SFXN1: variants seen among roughly 807,000 people sequenced by gnomAD.
The protein encoded by SFXN1 is sideroflexin 1.
A neutral mutation model predicts 39.5 loss-of-function variants in SFXN1; 32 were observed. That is an observed-to-expected ratio of 0.81 (90% CI 0.61 to 1.09). SFXN1 has a LOEUF of 1.09. Among genes scored for constraint, SFXN1 ranks in the 50% least tolerant of loss-of-function variants. The pLI is 0.00. For missense variants in SFXN1, 402 were observed against 407.1 expected (o/e 0.99, Z 0.11); for synonymous variants, 136 against 146.5 (o/e 0.93, Z 0.52).
chr5:175,507,592 G>A (rs1760353663), intron 2 of SFXN1, among the ~76,000 whole-genome samples: 1 of 152,166 alleles, frequency 6.6e-6, no homozygotes, highest in African/African-American at 2.4e-5. Flanking sequence ...ATGGATTCCT[G>A]TTTTTTCTCA....
At position 175,521,943 on chromosome 5, in the gene SFXN1, A is replaced by G; in HGVS notation, c.799A>G (p.Ile267Val). 6.2e-7 allele frequency: 1 copy of G among 1,604,064 alleles called. No individual in the cohort carries two copies. Among genetic ancestry groups the G allele is most frequent in the African/African-American group, 1.3e-5 (1 of 74,976 alleles). The change falls in exon 9 of 11, where the codon ATT becomes GTT. Residue 267 changes from isoleucine (I) to valine (V), a missense_variant. Coordinates refer to ENST00000321442, the MANE Select transcript of SFXN1 (RefSeq NM_022754.7). ...LKRFPWMSAPIQVGLVGFCLV... is the reference protein window; with the variant it reads ...LKRFPWMSAPVQVGLVGFCLV... Reference sequence around the variant, plus strand: ...GAGGTTCCCATGGATGAGTGCACCCATTCAAGTTGGGTTAGTTGGCTTCTG... The same window carrying G: ...GAGGTTCCCATGGATGAGTGCACCCGTTCAAGTTGGGTTAGTTGGCTTCTG...
At chr5:175,521,340 G>T (rs548180666) in intron 8 of SFXN1, among the ~76,000 whole-genome samples, 1 of 151,860 alleles carries the variant, frequency 6.6e-6, no homozygotes, top group South Asian at 2.1e-4. Context: ...CAAGAAAGAC[G>T]AGGTGTAAAG....
intron 8 of SFXN1, among the ~76,000 whole-genome samples, chr5:175,519,600 A>G (rs984717563): frequency 1.3e-5 from 2 of 152,362 alleles, no homozygotes; most frequent in South Asian, 4.1e-4. Context: ...ATGTAAACTA[A>G]TATCTAGTGA....
At chr5:175,500,403 A>AACACACACACACACAC (rs4008099) in intron 2 of SFXN1, among the ~76,000 whole-genome samples, 1 of 127,226 alleles carries the variant, frequency 7.9e-6, no homozygotes, top group Non-Finnish European at 1.7e-5. Flanking sequence ...CCTGTACACC[A>AACACACACACACACAC]ACACACACAC....
chr5:175,492,381 T>A, intron 2 of SFXN1, 114 bp downstream of exon 2: 5 of 923,260 alleles, frequency 5.4e-6, no homozygotes, highest in South Asian at 3.8e-5. Flanking sequence ...AATGGAATTC[T>A]TTTGACCAAA....
intron 6 of SFXN1, among the ~76,000 whole-genome samples, chr5:175,512,950 T>C (rs1760573364): frequency 6.6e-6 from 1 of 152,178 alleles, no homozygotes; most frequent in Non-Finnish European, 1.5e-5. Flanking sequence ...AGTTTACTAG[T>C]GTTGTTTTAC....
At chr5:175,486,191 G>GGT (rs367955241) in intron 1 of SFXN1, among the ~76,000 whole-genome samples, 3,703 of 152,166 alleles carry the variant, frequency 0.024, 152 homozygotes, top group African/African-American at 0.085. Flanking sequence ...AAAAAGTGGG[G>GGT]GGGCCTCCAA....
chr5:175,501,063 A>ATTTTTTTTT (rs531862744), intron 2 of SFXN1, among the ~76,000 whole-genome samples: 1 of 116,088 alleles, frequency 8.6e-6, no homozygotes, highest in African/African-American at 3.6e-5. Flanking sequence ...ATGGGCAAAG[A>ATTTTTTTTT]TTTTTTTTTT....
Position 175,521,900 on chromosome 5 carries a change from C to G in SFXN1, c.775-19C>G. ...ACCCTGTATAAAAAGTATTCAAAGC[C>G]ATTTATTTCTCAACACAGAGGTTCC... On this transcript the variant is annotated intron_variant, in intron 8 of 10. Transcript: ENST00000321442. 1 of 1,585,792 alleles carries G rather than the reference C, an allele frequency of 6.3e-7. No homozygotes were observed. The highest frequency in any genetic ancestry group is 8.6e-7 in the Non-Finnish European group (1 of 1,160,626).
intron 7 of SFXN1, among the ~76,000 whole-genome samples, chr5:175,514,554 G>A (rs539041663): frequency 7.2e-5 from 11 of 152,100 alleles, no homozygotes; most frequent in Non-Finnish European, 1.5e-4. Flanking sequence ...TGCAAACAGC[G>A]CTTGGCAATT....
At chr5:175,496,936 G>A (rs1478088106) in intron 2 of SFXN1, among the ~76,000 whole-genome samples, 1 of 151,460 alleles carries the variant, frequency 6.6e-6, no homozygotes, top group East Asian at 1.9e-4. Context: ...CGGTCACCCA[G>A]GCTAGAGTGC....
intron 1 of SFXN1, chr5:175,483,450 A>G (rs553430115): frequency 1.3e-5 from 2 of 152,342 alleles, no homozygotes; most frequent in South Asian, 4.1e-4. Flanking sequence ...TAGAATTAAC[A>G]CCTCAGTTGT....
In SFXN1 at chr5:175,528,662, T is replaced by C. The variant is rs1411126926; in HGVS notation, c.*1928T>C. ...CTGAAAGGATTAATAGATCTGAAGC[T>C]TTGGGCCACTCAGAGCCTTCCTTGA... On this transcript the variant is annotated 3_prime_UTR_variant, in exon 11 of 11. Coordinates refer to ENST00000321442, the MANE Select transcript of SFXN1 (RefSeq NM_022754.7). 6.6e-6 allele frequency: 1 copy of C among 152,212 alleles called. No individual in the cohort carries two copies. The highest frequency in any genetic ancestry group is 1.5e-5 in the Non-Finnish European group (1 of 68,046). The allele number at this position is 152,212 out of a possible 1,614,324, so 9.4% of individuals were successfully genotyped here.
intron 4 of SFXN1, 102 bp downstream of exon 4, chr5:175,510,309 A>G (rs758694464): frequency 2.1e-6 from 2 of 941,832 alleles, no homozygotes; most frequent in Non-Finnish European, 3.3e-6. Context: ...GCATATTTTT[A>G]TATTGTTCAG....
In SFXN1 at chr5:175,513,691, A is replaced by C. The variant is rs143949516; in HGVS notation, c.724+101A>C. 921 of 1,321,374 alleles carry C rather than the reference A, an allele frequency of 7.0e-4. 8 individuals carry two copies. In the East Asian group the frequency reaches 0.017, roughly 24 times the overall value. The allele number at this position is 1,321,374 out of a possible 1,614,324, so 81.9% of individuals were successfully genotyped here. ...ACACATATATCACACCTCTTAGTGG[A>C]AATTGCCTTCCACTGGGGGTGGCAG... On this transcript the variant is annotated intron_variant, in intron 7 of 10. Coordinates refer to ENST00000321442, the MANE Select transcript of SFXN1 (RefSeq NM_022754.7).
chr5:175,516,695 C>A, intron 8 of SFXN1, 32 bp downstream of exon 8: 1 of 1,603,058 alleles, frequency 6.2e-7, no homozygotes, highest in Non-Finnish European at 8.5e-7. Context: ...ATTTTCTCAA[C>A]CCTTTTTATT....
At position 175,513,441 on chromosome 5, in the gene SFXN1, CTGTA is replaced by C. The variant is rs1760598475; in HGVS notation, c.597-18_597-15del. ...TTATTGAAGGCATTGGTGGAGCTCT[CTGTA>C]TGTGTTTTGCTCTGCAGGGAACTCA... On this transcript the variant is annotated intron_variant, in intron 6 of 10. Coordinates refer to ENST00000321442, the MANE Select transcript of SFXN1 (RefSeq NM_022754.7). 6.2e-7 allele frequency: 1 copy of C among 1,608,310 alleles called. No homozygotes were observed. The highest frequency in any genetic ancestry group is 8.5e-7 in the Non-Finnish European group (1 of 1,176,464).
Position 175,526,817 on chromosome 5 carries a change from G to A in SFXN1, c.*83G>A. 8.7e-7 allele frequency: 1 copy of A among 1,150,852 alleles called. No individual in the cohort carries two copies. The highest frequency in any genetic ancestry group is 1.3e-6 in the Non-Finnish European group (1 of 768,998). 71.3% of individuals were successfully genotyped at this position (1,150,852 alleles called of 1,614,324 possible). A position where few individuals can be genotyped will look rare whatever the true frequency, so the allele number is the denominator to read the frequency against. On this transcript the variant is annotated 3_prime_UTR_variant, in exon 11 of 11. Transcript: ENST00000321442. ...TGGTGAGAAAAATCCTGTTCAACCT[G>A]GGTTCTCCCAGTTACGGAAACCTTT...
rs1561680682 is a variant in SFXN1 at position 175,527,208 on chromosome 5, T to G, written c.*474T>G. 1 of 138,086 alleles carries G rather than the reference T, an allele frequency of 7.2e-6. No individual in the cohort carries two copies. The highest frequency in any genetic ancestry group is 1.5e-5 in the Non-Finnish European group (1 of 67,988). The allele number at this position is 138,086 out of a possible 1,614,324, so 8.6% of individuals were successfully genotyped here. On this transcript the variant is annotated 3_prime_UTR_variant, in exon 11 of 11. Coordinates refer to ENST00000321442, the MANE Select transcript of SFXN1 (RefSeq NM_022754.7). ...AAGCTCTGGGCTAATCTATAAAAAC[T>G]TACCCTGAAATATTAAGGGCAGTTT...
Sources: allele counts gnomAD v4.1 joint callset (sites outside exome capture counted in the v4.1 genomes callset), GRCh38; gene constraint gnomAD v4.1.1; transcripts MANE v1.5; gene names NCBI Gene and HGNC (gene_info 2026-07-23, HGNC 2026-07-21).